The following PYGM variants were observed in gnomAD, a reference collection of about 807,000 sequenced individuals.
PYGM encodes the protein glycogen phosphorylase, muscle form.
In PYGM, 81 loss-of-function variants were observed where a neutral mutation model predicts 99.3. The ratio of observed to expected loss-of-function variants is 0.82; its 90% CI spans 0.68 to 0.98. PYGM has a LOEUF of 0.98. Among genes scored for constraint, PYGM ranks in the 50% least tolerant of loss-of-function variants. The probability of loss-of-function intolerance (pLI) is 0.00; values close to 1 mark genes in which losing one functional copy is unlikely to be tolerated. For synonymous variants in PYGM, 436 were observed against 451.5 expected (o/e 0.97, Z 0.44); for missense variants, 1,030 against 1,158.1 (o/e 0.89, Z 1.61).
rs1419658107 is a variant in PYGM, at chr11:64,751,460, G to A, written c.1834C>T (p.Pro612Ser). 6 of 1,614,148 alleles carry A rather than the reference G, an allele frequency of 3.7e-6. No individual in the cohort carries two copies. The highest frequency in any genetic ancestry group is 4.2e-6 in the Non-Finnish European group (5 of 1,180,030). The change falls in exon 16 of 20, where the codon CCT becomes TCT. Residue 612 changes from proline to serine, a missense_variant. Coordinates refer to ENST00000164139, the MANE Select transcript of PYGM (RefSeq NM_005609.4). ...ATCATCTTGGCCATGTGGTACCCAG[G>A]TGCAGCCTGAGGGGACAAAGTCTGG... The part of the protein sequence containing the change: ...RTVMIGGKAA[P>S]GYHMAKMIIR...
chr11:64,750,282 G>A (rs2135828179), intron 17 of PYGM, 94 bp downstream of exon 17: 3 of 1,396,192 alleles, frequency 2.1e-6, no homozygotes, highest in East Asian at 2.3e-5. Flanking sequence ...TGCTGGGCCT[G>A]GACCAGTCTT....
chr11:64,758,606 G>A lies in PYGM; in HGVS notation c.342C>T (p.Tyr114=). 6.2e-7 allele frequency: 1 copy of A among 1,613,352 alleles called. No homozygotes were observed. The highest frequency in any genetic ancestry group is 1.1e-5 in the South Asian group (1 of 91,062). The change falls in exon 2 of 20, where the codon TAC becomes TAT. Residue 114 remains tyrosine (Y), a synonymous_variant. Transcript: ENST00000164139. The part of the protein sequence containing the change: ...ALENACDEAT[Y]QLGLDMEELE... ...GCTTGCCCCACCCCACACACACCTG[G>A]TAGGTGGCCTCGTCACAGGCATTCT...
In PYGM at chr11:64,755,302, T is replaced by C; in HGVS notation, c.826A>G (p.Ile276Val). ...AVLDRNLAEN[I>V]SRVLYPNDNF... ...TCATTGGGGTACAGGACACGAGAGATGTTCTCCGCCAGGTTTCGGTCCAAC... is the reference window on the plus strand; with the variant it reads ...TCATTGGGGTACAGGACACGAGAGACGTTCTCCGCCAGGTTTCGGTCCAAC... Residue 276 changes from isoleucine to valine, a missense_variant, in exon 7 of 20, where the codon ATC becomes GTC. Transcript: ENST00000164139. The surrounding 1 kb of genome is among the most constrained non-coding windows in gnomAD (Gnocchi z 4.1). 6.2e-7 allele frequency: 1 copy of C among 1,614,082 alleles called. No homozygotes were observed. Among genetic ancestry groups the C allele is most frequent in the Middle Eastern group, 1.6e-4 (1 of 6,062 alleles).
chr11:64,759,146 C>T (rs1457580299), intron 1 of PYGM, among the ~76,000 whole-genome samples: 1 of 152,150 alleles, frequency 6.6e-6, no homozygotes, highest in East Asian at 1.9e-4. Flanking sequence ...CCCAGAGGCA[C>T]CAGAAACTAG....
At chr11:64,758,810 GTCCCATCC>G in intron 1 of PYGM, 106 bp from the exon 2 acceptor site, 2 of 987,808 alleles carry the variant, frequency 2.0e-6, no homozygotes, top group South Asian at 2.6e-5. Context: ...CTGCTCAGCA[GTCCCATCC>G]CTGTCCCCAA....
chr11:64,754,759 G>A lies in PYGM; in HGVS notation c.933C>T (p.Arg311=). The change falls in exon 8 of 20, where the codon CGC becomes CGT. Residue 311 remains arginine, a synonymous_variant. Transcript: ENST00000164139. This position sits in a 1 kb window ranked among gnomAD's most constrained non-coding sequence, Gnocchi z 5.5. ...VAATLQDIIR[R]FKSSKFGCRD... is the part of the protein sequence containing the mutation. ...GGCAGCCGAACTTGGAAGACTTGAAGCGACGGATGATGTCCTGGAGGGTGG... is the reference window on the plus strand; with the variant it reads ...GGCAGCCGAACTTGGAAGACTTGAAACGACGGATGATGTCCTGGAGGGTGG... 1 of 1,613,938 alleles carries A rather than the reference G, an allele frequency of 6.2e-7. No homozygotes were observed.
At position 64,754,393 on chromosome 11, in the gene PYGM, C is replaced by G; in HGVS notation, c.1000-48G>C. The G allele has an allele frequency of 6.8e-7, 1 of 1,460,756 alleles. No individual in the cohort carries two copies. Among genetic ancestry groups the G allele is most frequent in the Non-Finnish European group, 9.6e-7 (1 of 1,042,414 alleles). 90.5% of individuals were successfully genotyped at this position (1,460,756 alleles called of 1,614,324 possible). The stretch of plus-strand genomic sequence containing the variant: ...TCTGGGCTCCAAACCACATTCCATG[C>G]TATGGTCACTGCCCTATGCCATTTG... On this transcript the variant is annotated intron_variant, in intron 8 of 19. Coordinates refer to ENST00000164139, the MANE Select transcript of PYGM (RefSeq NM_005609.4). This position sits in a 1 kb window ranked among gnomAD's most constrained non-coding sequence, Gnocchi z 5.5.
At position 64,758,498 on chromosome 11, in the gene PYGM, C is replaced by T; in HGVS notation, c.363G>A (p.Glu121=). The T allele has an allele frequency of 6.2e-7, 1 of 1,614,120 alleles. No homozygotes were observed. The highest frequency in any genetic ancestry group is 1.1e-5 in the South Asian group (1 of 91,080). ...EATYQLGLDM[E]ELEEIEEDAG... is the part of the protein sequence containing the mutation. ...CATCCTCCTCAATTTCCTCCAGCTCCTCCATGTCCAGGCCCAGCTGGAGGA... is the reference window on the plus strand; with the variant it reads ...CATCCTCCTCAATTTCCTCCAGCTCTTCCATGTCCAGGCCCAGCTGGAGGA... The change falls in exon 3 of 20, where the codon GAG becomes GAA. Residue 121 remains glutamate (E), a synonymous_variant. Transcript: ENST00000164139.
chr11:64,758,153 C>A, intron 4 of PYGM, 93 bp downstream of exon 4: 2 of 1,455,024 alleles, frequency 1.4e-6, no homozygotes, highest in Admixed American at 3.3e-5. Flanking sequence ...ACAGAGCTTG[C>A]GGGGCTGTTT....
At chr11:64,758,021 A>G in intron 4 of PYGM, 111 bp from the exon 5 acceptor site, 1 of 1,518,672 alleles carries the variant, frequency 6.6e-7, no homozygotes, top group Non-Finnish European at 9.0e-7. Context: ...CACCAAGTAT[A>G]AGTCAGGAGC....
At position 64,755,134 on chromosome 11, in the gene PYGM, G is replaced by C; in HGVS notation, c.855+139C>G. ...GTGTCCTTGCACTCAAAAGACTTGAGGTGGGGGCACAGGATGCACAAGGCC... is the reference window on the plus strand; with the variant it reads ...GTGTCCTTGCACTCAAAAGACTTGACGTGGGGGCACAGGATGCACAAGGCC... On this transcript the variant is annotated intron_variant, in intron 7 of 19. Transcript: ENST00000164139. The surrounding 1 kb of genome is among the most constrained non-coding windows in gnomAD (Gnocchi z 4.1). 9.3e-7 allele frequency: 1 copy of C among 1,079,032 alleles called. No individual in the cohort carries two copies. The highest frequency in any genetic ancestry group is 1.4e-6 in the Non-Finnish European group (1 of 720,172). The allele number at this position is 1,079,032 out of a possible 1,614,324, so 66.8% of individuals were successfully genotyped here.
At chr11:64,753,445 C>T (rs908590764) in intron 11 of PYGM, 74 bp downstream of exon 11, 4 of 1,501,072 alleles carry the variant, frequency 2.7e-6, no homozygotes, top group African/African-American at 1.4e-5. Flanking sequence ...CGGTGAAGGG[C>T]GGGGCTTCTG....
chr11:64,746,465 G>A lies in PYGM; in HGVS notation c.*194C>T, dbSNP rs1488167856. ...CAGACCCCATAAATAGGAGGGGACC[G>A]GGAGCCCGAGGACGGAAGGGGGCCC... On this transcript the variant is annotated 3_prime_UTR_variant, in exon 20 of 20. Transcript: ENST00000164139. 3.3e-5 allele frequency: 24 copies of A among 720,540 alleles called. No individual in the cohort carries two copies. In the East Asian group the frequency reaches 4.6e-4, roughly 14 times the overall value. The allele number at this position is 720,540 out of a possible 1,614,324, so 44.6% of individuals were successfully genotyped here.
chr11:64,757,798 G>A lies in PYGM; in HGVS notation c.641C>T (p.Ala214Val), dbSNP rs532529860. 6.2e-7 allele frequency: 1 copy of A among 1,614,092 alleles called. No individual in the cohort carries two copies. Among genetic ancestry groups the A allele is most frequent in the African/African-American group, 1.3e-5 (1 of 75,006 alleles). The change falls in exon 5 of 20, where the codon GCC becomes GTC. Residue 214 changes from alanine to valine, a missense_variant. Physicochemically the swap from Ala to Val is moderately conservative, Grantham distance 64 (BLOSUM62 0). Transcript: ENST00000164139. ...CCTCACCTGTGTGTCCACCCACTTG[G>A]CACCCTGGCTGGTGTGCTCCACATG... ...YGHVEHTSQG[A>V]KWVDTQVVLA... is the part of the protein sequence containing the mutation.
intron 17 of PYGM, 134 bp from the exon 18 acceptor site, chr11:64,747,492 C>A: frequency 8.5e-7 from 1 of 1,179,904 alleles, no homozygotes; most frequent in Non-Finnish European, 1.2e-6. Context: ...TGCCACATCG[C>A]CCCTGCAGGG....
At chr11:64,757,317 T>C (rs1218379930) in intron 5 of PYGM, among the ~76,000 whole-genome samples, 1 of 152,136 alleles carries the variant, frequency 6.6e-6, no homozygotes, top group African/African-American at 2.4e-5. Flanking sequence ...CTCGGCCTTC[T>C]AAAGTGCTGG....
rs531748591 is a variant in PYGM, at chr11:64,759,799, G to T, written c.100C>A (p.Arg34=). The T allele has an allele frequency of 3.1e-6, 5 of 1,614,214 alleles. No homozygotes were observed. The highest frequency in any genetic ancestry group is 2.7e-5 in the African/African-American group (2 of 75,064). Residue 34 remains arginine, a synonymous_variant, in exon 1 of 20, where the codon CGG becomes AGG. Coordinates refer to ENST00000164139, the MANE Select transcript of PYGM (RefSeq NM_005609.4). ...TTTACGAGTGTGAAATGCAGGTGCC[G>T]GTTGAAGTTCTTTTTCAGCTCAGTC... ...NVTELKKNFN[R]HLHFTLVKDR...
At chr11:64,758,092 G>C (rs1336656245) in intron 4 of PYGM, among the ~76,000 whole-genome samples, 154 bp downstream of exon 4, 2 of 152,060 alleles carry the variant, frequency 1.3e-5, no homozygotes, top group Non-Finnish European at 2.9e-5. Flanking sequence ...CTGTTTCAGG[G>C]GCACCAGCTG....
chr11:64,753,631 G>A lies in PYGM; in HGVS notation c.1291C>T (p.Leu431=), dbSNP rs761672186. 8.1e-6 allele frequency: 13 copies of A among 1,608,848 alleles called. No homozygotes were observed. The highest frequency in any genetic ancestry group is 3.4e-6 in the Non-Finnish European group (4 of 1,179,444). Residue 431 remains leucine (L), a synonymous_variant, in exon 11 of 20, where the codon CTG becomes TTG. Transcript: ENST00000164139. ...CGCTTCACTGCGCCCTCCTCCACCA[G>A]CGACATGCGCCGCAGCCGGTCTACG... The part of the protein sequence containing the change: ...GDVDRLRRMS[L]VEEGAVKRIN...
Sources: gnomAD v4.1 joint callset for allele counts (sites outside exome capture counted in the v4.1 genomes callset) on GRCh38, gnomAD v4.1.1 for gene constraint, Gnocchi (gnomAD v3.1) non-coding constraint, MANE v1.5 for transcripts, NCBI Gene and HGNC (gene_info 2026-07-23, HGNC 2026-07-21) for gene names.